FGGY: variants seen among roughly 807,000 people sequenced by gnomAD.
The protein encoded by FGGY is FGGY carbohydrate kinase domain-containing protein.
A neutral mutation model predicts 71.3 loss-of-function variants in FGGY; 72 were observed. The observed-to-expected ratio is 1.01, with a 90% CI of 0.84 to 1.23. The LOEUF (loss-of-function observed/expected upper bound fraction) is 1.23, where lower values mean the gene tolerates loss of function less well. Ranked by LOEUF, FGGY falls within the 50% of genes most tolerant of loss-of-function variation. FGGY has a pLI of 0.00. For synonymous variants in FGGY, 251 were observed against 250.3 expected, an observed-to-expected ratio of 1.00 and a Z score of -0.02; for missense variants, 668 against 682.3, an observed-to-expected ratio of 0.98 and a Z score of 0.23.
Position 59,397,051 on chromosome 1 carries a change from T to TA in FGGY, c.554+18218dup, listed in dbSNP as rs397719218. ...CTTGAGTCTGCTTTTTTTTTTTTTT[T>TA]AAAAGAAAGGTATCTAAAAGTGATT... On this transcript the variant is annotated intron_variant, in intron 5 of 15. Coordinates refer to ENST00000303721, the MANE Select transcript of FGGY (RefSeq NM_018291.5). Among the ~76,000 whole-genome samples, 678 of 148,774 alleles carry TA rather than the reference T, an allele frequency of 4.6e-3. 1 individual carries two copies. The highest frequency in any genetic ancestry group is 0.017 in the Middle Eastern group (5 of 292).
intron 2 of FGGY, among the ~76,000 whole-genome samples, chr1:59,326,977 C>T (rs1045062998): frequency 1.6e-4 from 25 of 152,224 alleles, no homozygotes; most frequent in African/African-American, 6.0e-4. Context: ...TTAAAAATTG[C>T]CAAAAAATGT....
chr1:59,587,457 C>T (rs777032015), intron 8 of FGGY, among the ~76,000 whole-genome samples: 59 of 152,182 alleles, frequency 3.9e-4, no homozygotes, highest in East Asian at 1.2e-3. Flanking sequence ...TCTCCCAGCA[C>T]GCAACTGGAG....
At chr1:59,439,725 A>G (rs2069308572) in intron 5 of FGGY, among the ~76,000 whole-genome samples, 1 of 152,206 alleles carries the variant, frequency 6.6e-6, no homozygotes, top group Non-Finnish European at 1.5e-5. Flanking sequence ...CTTCCTAAAG[A>G]TGGTTATTCC....
chr1:59,726,507 T>C (rs2097949740), intron 14 of FGGY, among the ~76,000 whole-genome samples: 1 of 152,156 alleles, frequency 6.6e-6, no homozygotes, highest in South Asian at 2.1e-4. Context: ...CTGGTATAAT[T>C]TCTTCCTTAA....
chr1:59,413,916 G>A (rs888860463), intron 5 of FGGY, among the ~76,000 whole-genome samples: 4 of 152,176 alleles, frequency 2.6e-5, no homozygotes, highest in Admixed American at 1.3e-4. Context: ...AGCCGAGATT[G>A]CACCACTGTG....
At chr1:59,654,665 T>C (rs968076793) in intron 11 of FGGY, among the ~76,000 whole-genome samples, 3 of 152,220 alleles carry the variant, frequency 2.0e-5, no homozygotes, top group African/African-American at 7.2e-5. Context: ...CTATAATTTA[T>C]AATACCAAGG....
At chr1:59,698,378 C>A (rs1017931138) in intron 14 of FGGY, among the ~76,000 whole-genome samples, 12 of 152,082 alleles carry the variant, frequency 7.9e-5, no homozygotes, top group African/African-American at 2.9e-4. Context: ...CAGTTCCCAC[C>A]CCTTGGTCAG....
intron 1 of FGGY, among the ~76,000 whole-genome samples, chr1:59,303,427 A>G (rs1396151095): frequency 2.0e-5 from 3 of 152,162 alleles, no homozygotes; most frequent in Non-Finnish European, 4.4e-5. Flanking sequence ...ATTGTGGCAA[A>G]TGGCAGGAAT....
At chr1:59,759,599 T>G (rs1335198505) in intron 15 of FGGY, among the ~76,000 whole-genome samples, 2 of 152,238 alleles carry the variant, frequency 1.3e-5, no homozygotes, top group African/African-American at 2.4e-5. Flanking sequence ...CTGGCAGCTG[T>G]TCTCTGCGAA....
intron 5 of FGGY, among the ~76,000 whole-genome samples, chr1:59,396,726 G>A (rs962608892): frequency 2.6e-5 from 4 of 152,118 alleles, no homozygotes; most frequent in Non-Finnish European, 4.4e-5. Flanking sequence ...ATTTTTCTGA[G>A]CAACAGTTCC....
At chr1:59,515,610 G>C (rs925904925) in intron 7 of FGGY, among the ~76,000 whole-genome samples, 1 of 152,172 alleles carries the variant, frequency 6.6e-6, no homozygotes, top group Non-Finnish European at 1.5e-5. Context: ...GACTTAGGGG[G>C]AGGGAATTGA....
chr1:59,674,206 G>T (rs898930950), intron 14 of FGGY, 73 bp downstream of exon 14: 77 of 1,131,556 alleles, frequency 6.8e-5, no homozygotes, highest in Non-Finnish European at 8.3e-5. Context: ...ACAGCAGCTC[G>T]CATTTTACAA....
intron 5 of FGGY, among the ~76,000 whole-genome samples, chr1:59,411,732 C>A (rs1029197553): frequency 3.9e-5 from 6 of 152,122 alleles, no homozygotes; most frequent in Non-Finnish European, 8.8e-5. Flanking sequence ...GGATTATAAT[C>A]CATTAGTATC....
intron 8 of FGGY, among the ~76,000 whole-genome samples, chr1:59,602,106 C>T (rs1180473598): frequency 6.6e-6 from 1 of 152,122 alleles, no homozygotes; most frequent in Non-Finnish European, 1.5e-5. Flanking sequence ...CTTAGAAAAC[C>T]TCAAAGACAA....
chr1:59,472,158 C>T (rs1400971339), intron 6 of FGGY, among the ~76,000 whole-genome samples: 29 of 152,202 alleles, frequency 1.9e-4, no homozygotes, highest in South Asian at 2.1e-4. Context: ...CGGGGCTGCG[C>T]GCAGTGCTTG....
At chr1:59,306,264 G>A (rs61788316) in intron 1 of FGGY, among the ~76,000 whole-genome samples, 34,573 of 152,110 alleles carry the variant, frequency 0.23, 4,112 homozygotes, top group East Asian at 0.43. Context: ...GTGAGGAGGG[G>A]ATTTTTGAGG....
chr1:59,337,641 A>C (rs1392462139), intron 2 of FGGY, among the ~76,000 whole-genome samples: 2 of 152,058 alleles, frequency 1.3e-5, no homozygotes, highest in African/African-American at 4.8e-5. Flanking sequence ...TTATTTTCTT[A>C]ATTTTATTTT....
At chr1:59,364,548 C>T (rs1480152669) in intron 4 of FGGY, among the ~76,000 whole-genome samples, 4 of 152,182 alleles carry the variant, frequency 2.6e-5, no homozygotes, top group Admixed American at 6.5e-5. Flanking sequence ...TAACATGACT[C>T]ATCATCTATA....
chr1:59,497,674 C>T (rs1189781070), intron 6 of FGGY, among the ~76,000 whole-genome samples: 1 of 152,108 alleles, frequency 6.6e-6, no homozygotes, highest in Non-Finnish European at 1.5e-5. Context: ...TCTGTTCAGC[C>T]GTAGGCCTCC....
Sources: allele counts gnomAD v4.1 joint callset (sites outside exome capture counted in the v4.1 genomes callset), GRCh38; gene constraint gnomAD v4.1.1; transcripts MANE v1.5; gene names NCBI Gene and HGNC (gene_info 2026-07-23, HGNC 2026-07-21).